Variants in KHDRBS2 observed in about 807,000 individuals in gnomAD.
KHDRBS2 encodes KH domain-containing, RNA-binding, signal transduction-associated protein 2.
A neutral mutation model predicts 44.3 loss-of-function variants in KHDRBS2; 26 were observed. The ratio of observed to expected loss-of-function variants is 0.59; its 90% CI spans 0.43 to 0.81. The LOEUF (loss-of-function observed/expected upper bound fraction) is 0.81, where lower values mean the gene tolerates loss of function less well. Among genes scored for constraint, KHDRBS2 ranks in the 40% least tolerant of loss-of-function variants. The probability of loss-of-function intolerance (pLI) is 0.00; values close to 1 mark genes in which losing one functional copy is unlikely to be tolerated. For synonymous variants in KHDRBS2, 194 were observed against 151.1 expected (o/e 1.28, Z -2.08); for missense variants, 476 against 433.1 (o/e 1.10, Z -0.88).
chr6:62,225,370 T>C (rs1247699880), intron 1 of KHDRBS2, among the ~76,000 whole-genome samples: 2 of 152,206 alleles, frequency 1.3e-5, no homozygotes, highest in Non-Finnish European at 2.9e-5. Flanking sequence ...GATATACTTA[T>C]TCTCATCAAT....
chr6:61,894,698 C>T lies in KHDRBS2; in HGVS notation c.747G>A (p.Gly249=), dbSNP rs1281653497. The T allele has an allele frequency of 5.0e-6, 8 of 1,613,366 alleles. No individual in the cohort carries two copies. Among genetic ancestry groups the T allele is most frequent in the Non-Finnish European group, 6.8e-6 (8 of 1,179,776 alleles). ...CCCTGTATCCTGGCACTGTTGGTGC[C>T]CCCCGGGCTCGAGGGGTAGGGACAC... ...ARGVPTPRAR[G]APTVPGYRAP... Residue 249 remains glycine, a synonymous_variant, in exon 6 of 9, where the codon GGG becomes GGA. Coordinates refer to ENST00000281156, the MANE Select transcript of KHDRBS2 (RefSeq NM_152688.4).
At chr6:62,148,017 A>G (rs929773589) in intron 2 of KHDRBS2, among the ~76,000 whole-genome samples, 10 of 152,044 alleles carry the variant, frequency 6.6e-5, no homozygotes, top group Non-Finnish European at 1.0e-4. Context: ...AAGCTGAAAA[A>G]ATAAATATTA....
chr6:62,182,213 C>A (rs1822459074), intron 1 of KHDRBS2, among the ~76,000 whole-genome samples: 1 of 151,828 alleles, frequency 6.6e-6, no homozygotes, highest in African/African-American at 2.4e-5. Flanking sequence ...TTATAGCAGT[C>A]CTAACAGACT....
chr6:61,553,680 C>G, the KHDRBS2 span, among the ~76,000 whole-genome samples: 2 of 151,742 alleles, frequency 1.3e-5, no homozygotes, highest in Non-Finnish European at 3.0e-5. Context: ...AGCTGTGTCC[C>G]AGATTCTGGT....
the KHDRBS2 span, among the ~76,000 whole-genome samples, chr6:61,559,311 T>A: frequency 6.6e-6 from 1 of 151,756 alleles, no homozygotes; most frequent in East Asian, 1.9e-4. Flanking sequence ...TATTTTTATA[T>A]GTGAATTGTG....
At chr6:61,615,233 C>CA in the KHDRBS2 span, among the ~76,000 whole-genome samples, 142 of 58,546 alleles carry the variant, frequency 2.4e-3, 3 homozygotes, top group African/African-American at 6.0e-3. Context: ...ACTCCATCTC[C>CA]AAAAAAAAAA....
At chr6:61,945,065 C>T (rs1320171202) in intron 4 of KHDRBS2, among the ~76,000 whole-genome samples, 6 of 119,088 alleles carry the variant, frequency 5.0e-5, no homozygotes, top group Non-Finnish European at 6.6e-5. Flanking sequence ...CACTCCAGTA[C>T]GGAAGACAGA....
Position 61,848,520 on chromosome 6 carries a change from T to TAC in KHDRBS2, c.810+46114_810+46115insGT, listed in dbSNP as rs1491094066. 2.5e-4 allele frequency among the ~76,000 whole-genome samples: 10 copies of TAC among 39,924 alleles called. 1 individual carries two copies. The highest frequency in any genetic ancestry group is 6.5e-4 in the Admixed American group (3 of 4,600). The allele number at this position is 39,924 out of a possible 152,430, so 26.2% of individuals were successfully genotyped here. On this transcript the variant is annotated intron_variant, in intron 6 of 8. Transcript: ENST00000281156. ...ATATATATATATATATGTATATATG[T>TAC]ATATATATATACATATATATGTATA...
At chr6:62,038,100 GATCAGCATCCCCGGAAGTGCAT>G (rs1430098918) in intron 3 of KHDRBS2, among the ~76,000 whole-genome samples, 5 of 151,972 alleles carry the variant, frequency 3.3e-5, no homozygotes. Context: ...AATGCCTCGT[GATCAGCATCCCCGGAAGTGCAT>G]AAAACACTGT....
At chr6:61,574,508 TG>T in the KHDRBS2 span, 28 of 901,914 alleles carry the variant, frequency 3.1e-5, no homozygotes, top group Non-Finnish European at 3.7e-5. Flanking sequence ...AAATTTCGGC[TG>T]GGGCGACCTC....
At chr6:61,912,158 T>C (rs933752614) in intron 4 of KHDRBS2, among the ~76,000 whole-genome samples, 1 of 152,162 alleles carries the variant, frequency 6.6e-6, no homozygotes, top group Non-Finnish European at 1.5e-5. Flanking sequence ...TGAAAAACTT[T>C]ATTTCCATTG....
chr6:61,757,199 CAA>C (rs1778615601), intron 6 of KHDRBS2, among the ~76,000 whole-genome samples: 1 of 152,064 alleles, frequency 6.6e-6, no homozygotes, highest in Admixed American at 6.6e-5. Flanking sequence ...TAGTATTGTT[CAA>C]GTTTTCCATA....
At chr6:62,228,271 A>G (rs1832267270) in intron 1 of KHDRBS2, among the ~76,000 whole-genome samples, 2 of 152,096 alleles carry the variant, frequency 1.3e-5, no homozygotes, top group Non-Finnish European at 2.9e-5. Context: ...TGTGTCCAGG[A>G]ATGTATCTAT....
At chr6:61,761,914 C>T (rs562465320) in intron 6 of KHDRBS2, among the ~76,000 whole-genome samples, 9 of 152,036 alleles carry the variant, frequency 5.9e-5, no homozygotes, top group Non-Finnish European at 1.0e-4. Flanking sequence ...TCTGTTATTA[C>T]TAACAAAAAT....
intron 6 of KHDRBS2, among the ~76,000 whole-genome samples, chr6:61,888,041 T>C (rs1043930416): frequency 1.3e-5 from 2 of 152,246 alleles, no homozygotes; most frequent in African/African-American, 2.4e-5. Flanking sequence ...TTCAAAAATA[T>C]ATCTATATAC....
intron 5 of KHDRBS2, 147 bp downstream of exon 5, chr6:61,901,097 G>A: frequency 1.4e-6 from 1 of 737,494 alleles, no homozygotes; most frequent in Non-Finnish European, 2.2e-6. Flanking sequence ...TTCTGTGCCT[G>A]ATAAGCTTTC....
chr6:61,707,018 T>G (rs1330489926), intron 7 of KHDRBS2, among the ~76,000 whole-genome samples: 1 of 151,680 alleles, frequency 6.6e-6, no homozygotes, highest in Non-Finnish European at 1.5e-5. Flanking sequence ...ACATTAAGTT[T>G]TGGGATAAAG....
intron 2 of KHDRBS2, among the ~76,000 whole-genome samples, chr6:62,087,319 A>T (rs1049835118): frequency 6.6e-6 from 1 of 152,136 alleles, no homozygotes; most frequent in African/African-American, 2.4e-5. Flanking sequence ...GGAGTTAAAG[A>T]TAAATCAGAA....
chr6:61,546,819 C>G, the KHDRBS2 span, among the ~76,000 whole-genome samples: 1 of 152,052 alleles, frequency 6.6e-6, no homozygotes, highest in African/African-American at 2.4e-5. Context: ...TGTACCACAT[C>G]GTTTATTATC....
Sources: allele counts gnomAD v4.1 joint callset (sites outside exome capture counted in the v4.1 genomes callset), GRCh38; gene constraint gnomAD v4.1.1; transcripts MANE v1.5; gene names NCBI Gene and HGNC (gene_info 2026-07-23, HGNC 2026-07-21).